Variants in NEMP2 observed in about 807,000 individuals in gnomAD.
The protein encoded by NEMP2 is UPF0571 transmembrane protein.
In NEMP2, 53 loss-of-function variants were observed where a neutral mutation model predicts 54.2. The ratio of observed to expected loss-of-function variants is 0.98; its 90% CI spans 0.78 to 1.23. NEMP2 has a LOEUF of 1.23. Among genes scored for constraint, NEMP2 ranks in the 50% most tolerant of loss-of-function variants. NEMP2 has a pLI of 0.00. For synonymous variants in NEMP2, 197 were observed against 190.3 expected (o/e 1.04, Z -0.29); for missense variants, 455 against 511.3 (o/e 0.89, Z 1.06).
the NEMP2 span, among the ~76,000 whole-genome samples, chr2:190,552,183 G>A: frequency 6.6e-6 from 1 of 152,104 alleles, no homozygotes; most frequent in African/African-American, 2.4e-5. Context: ...TCTCAAGTCT[G>A]TCAAAGTCTG....
chr2:190,626,489 C>G, the NEMP2 span: 2 of 152,000 alleles, frequency 1.3e-5, no homozygotes, highest in African/African-American at 4.8e-5. This position sits in a 1 kb window ranked among gnomAD's most constrained non-coding sequence, Gnocchi z 4.5. Flanking sequence ...AGAGCTTTAC[C>G]TGTGGGTGTA....
At chr2:190,535,989 T>G (rs1001878302), upstream of NEMP2, 4 of 152,136 alleles carry the variant, frequency 2.6e-5, no homozygotes, top group Non-Finnish European at 1.5e-5. Flanking sequence ...AATAAACAGG[T>G]GGGTTGTTGA....
the NEMP2 span, chr2:190,489,938 G>A: frequency 7.7e-7 from 1 of 1,298,708 alleles, no homozygotes; most frequent in African/African-American, 1.5e-5. The surrounding 1 kb of genome is among the most constrained non-coding windows in gnomAD (Gnocchi z 6.6). Flanking sequence ...GCCCCGAGAA[G>A]CCTAGAAGTG....
chr2:190,511,521 ATTTGT>A (rs917772788), intron 7 of NEMP2, among the ~76,000 whole-genome samples: 18 of 148,326 alleles, frequency 1.2e-4, no homozygotes, highest in African/African-American at 4.2e-4. Flanking sequence ...TTTTTAAAAC[ATTTGT>A]TTTATTTATT....
Position 190,517,516 on chromosome 2 carries a change from C to G in NEMP2, c.612+4G>C. ...TTTTACTCATTTTCACATAGTATGC[C>G]TACCTTCGGAATGAATCTTTTCACC... On this transcript the variant is annotated splice_donor_region_variant and intron_variant, in intron 5 of 8. Transcript: ENST00000409150. 1 of 1,543,198 alleles carries G rather than the reference C, an allele frequency of 6.5e-7. No homozygotes were observed. The highest frequency in any genetic ancestry group is 8.8e-7 in the Non-Finnish European group (1 of 1,142,048).
chr2:190,537,345 C>CCACACA (rs548064374), upstream of NEMP2, among the ~76,000 whole-genome samples: 143 of 152,316 alleles, frequency 9.4e-4, 1 homozygote, highest in African/African-American at 3.4e-3. Context: ...CCCATAATCC[C>CCACACA]CACACATCGT....
At chr2:190,540,672 A>G in the NEMP2 span, among the ~76,000 whole-genome samples, 23 of 152,172 alleles carry the variant, frequency 1.5e-4, no homozygotes, top group African/African-American at 5.5e-4. Flanking sequence ...TTTATTAGGG[A>G]TATTGGCCTG....
the NEMP2 span, chr2:190,464,740 C>A: frequency 5.6e-6 from 1 of 177,044 alleles, no homozygotes; most frequent in Non-Finnish European, 1.1e-5. Flanking sequence ...TTATATTTAA[C>A]TTATTTGTTT....
At chr2:190,501,939 G>A (rs1440955406), downstream of NEMP2, 1 of 152,600 alleles carries the variant, frequency 6.6e-6, no homozygotes, top group Non-Finnish European at 1.5e-5. Context: ...ACAGTATGTG[G>A]ATTTGTGAAA....
In NEMP2 at chr2:190,510,509, C is replaced by T; in HGVS notation, c.982G>A (p.Glu328Lys). The change falls in exon 8 of 9, where the codon GAG (glutamate) becomes AAG (lysine). Residue 328 changes from glutamate to lysine, a missense_variant. Physicochemically the swap from Glu to Lys is moderately conservative, Grantham distance 56 (BLOSUM62 1). Around this residue, in one of 3 missense-constraint regions of NEMP2, gnomAD observed 294 missense variants for 333.6 expected, o/e 0.88. Transcript: ENST00000409150. The surrounding 1 kb of genome is among the most constrained non-coding windows in gnomAD (Gnocchi z 5.7). Reference sequence around the variant, plus strand: ...TCCGTAAGATATTTCACCACCAGCTCTTTTGATGTAAACCACTGCTCCATT... The same window carrying T: ...TCCGTAAGATATTTCACCACCAGCTTTTTTGATGTAAACCACTGCTCCATT... ...WKMEQWFTSK[E>K]LVVKYLTEDE... is the part of the protein sequence containing the mutation. The T allele has an allele frequency of 1.3e-6, 2 of 1,551,998 alleles. No homozygotes were observed. The highest frequency in any genetic ancestry group is 1.7e-6 in the Non-Finnish European group (2 of 1,147,072).
At chr2:190,501,931 A>G (rs866567601), downstream of NEMP2, 2 of 152,636 alleles carry the variant, frequency 1.3e-5, no homozygotes, top group Non-Finnish European at 2.9e-5. Context: ...ATGAATGTAC[A>G]GTATGTGGAT....
the NEMP2 span, among the ~76,000 whole-genome samples, chr2:190,430,822 G>A: frequency 1.4e-5 from 2 of 142,584 alleles, no homozygotes; most frequent in East Asian, 2.3e-4. Flanking sequence ...CCTCCCGGAC[G>A]GGGCGGCCGG....
chr2:190,458,293 G>A, the NEMP2 span, among the ~76,000 whole-genome samples: 6 of 152,088 alleles, frequency 3.9e-5, no homozygotes. The surrounding 1 kb of genome is among the most constrained non-coding windows in gnomAD (Gnocchi z 5.3). Flanking sequence ...TTAAAATCAG[G>A]TCATTAGGGT....
At chr2:190,431,833 A>G in the NEMP2 span, among the ~76,000 whole-genome samples, 3 of 152,252 alleles carry the variant, frequency 2.0e-5, no homozygotes, top group Non-Finnish European at 4.4e-5. This position sits in a 1 kb window ranked among gnomAD's most constrained non-coding sequence, Gnocchi z 4.4. Flanking sequence ...TTTATGCTAT[A>G]ATACTTATAA....
the NEMP2 span, among the ~76,000 whole-genome samples, chr2:190,567,841 G>T: frequency 6.6e-6 from 1 of 152,062 alleles, no homozygotes; most frequent in African/African-American, 2.4e-5. The surrounding 1 kb of genome is among the most constrained non-coding windows in gnomAD (Gnocchi z 4.0). Flanking sequence ...TAGAGACAGG[G>T]TTTCACCATG....
chr2:190,489,266 C>T, the NEMP2 span, among the ~76,000 whole-genome samples: 1 of 152,158 alleles, frequency 6.6e-6, no homozygotes, highest in Non-Finnish European at 1.5e-5. This position sits in a 1 kb window ranked among gnomAD's most constrained non-coding sequence, Gnocchi z 6.6. Context: ...ATCTGTCTGT[C>T]TTGTCATATC....
At chr2:190,429,454 C>A in the NEMP2 span, among the ~76,000 whole-genome samples, 20,368 of 151,430 alleles carry the variant, frequency 0.13, 1,632 homozygotes, top group Middle Eastern at 0.22. Flanking sequence ...GCCTCCCAAG[C>A]AGCTGGGATT....
In NEMP2 at chr2:190,529,099, A is replaced by T. The variant is rs187577850; in HGVS notation, c.98-3721T>A. ...GGCTCATGCCTGTAATTTCGCTTGA[A>T]CCTGGGAGGCGAGGTTGCAGTGAGC... On this transcript the variant is annotated intron_variant, in intron 1 of 8. Coordinates refer to ENST00000409150, the MANE Select transcript of NEMP2 (RefSeq NM_001142645.2). The surrounding 1 kb of genome is among the most constrained non-coding windows in gnomAD (Gnocchi z 4.7). Among the ~76,000 whole-genome samples the T allele has an allele frequency of 3.4e-4, 52 of 152,108 alleles. No homozygotes were observed. The highest frequency in any genetic ancestry group is 5.1e-4 in the Non-Finnish European group (35 of 67,966).
Position 190,521,651 on chromosome 2 carries a change from C to T in NEMP2, c.214-2468G>A, listed in dbSNP as rs1313374662. 6.6e-6 allele frequency among the ~76,000 whole-genome samples: 1 copy of T among 152,216 alleles called. No homozygotes were observed. Among genetic ancestry groups the T allele is most frequent in the African/African-American group, 2.4e-5 (1 of 41,460 alleles). The stretch of plus-strand genomic sequence containing the variant: ...CCTCTCCTTCCATTCTCCCTTTAAT[C>T]CACTTCAATCAGGATTTCATTCCTA... On this transcript the variant is annotated intron_variant, in intron 2 of 8. Transcript: ENST00000409150. This position sits in a 1 kb window ranked among gnomAD's most constrained non-coding sequence, Gnocchi z 6.2.
Sources: gnomAD v4.1 joint callset for allele counts (sites outside exome capture counted in the v4.1 genomes callset) on GRCh38, gnomAD v4.1.1 for gene constraint, gnomAD v4.1.1 regional missense constraint, Gnocchi (gnomAD v3.1) non-coding constraint, MANE v1.5 for transcripts, NCBI Gene and HGNC (gene_info 2026-07-23, HGNC 2026-07-21) for gene names.